GALNTL6: variants seen among roughly 807,000 people sequenced by gnomAD.
GALNTL6 encodes polypeptide N-acetylgalactosaminyltransferase-like 6.
GALNTL6 carries 46 observed loss-of-function variants against 73.7 expected under a neutral mutation model. The ratio of observed to expected loss-of-function variants is 0.62; its 90% CI spans 0.49 to 0.80. GALNTL6 has a LOEUF of 0.80. Ranked by LOEUF, GALNTL6 falls within the 30% of genes least tolerant of loss-of-function variation. The pLI, the probability that GALNTL6 is intolerant of heterozygous loss-of-function variation, is 0.00. For missense variants in GALNTL6, 604 were observed against 755.0 expected (o/e 0.80, Z 2.34); for synonymous variants, 259 against 263.7 (o/e 0.98, Z 0.17).
At chr4:172,851,890 T>C (rs1743839373) in intron 7 of GALNTL6, among the ~76,000 whole-genome samples, 1 of 152,148 alleles carries the variant, frequency 6.6e-6, no homozygotes, top group Admixed American at 6.6e-5. Context: ...AATGACAAGA[T>C]TCTGGATGCT....
At chr4:172,295,618 C>T (rs187040416) in intron 3 of GALNTL6, among the ~76,000 whole-genome samples, 182 of 115,246 alleles carry the variant, frequency 1.6e-3, no homozygotes, top group African/African-American at 5.9e-3. Flanking sequence ...TTTTCTTCAG[C>T]TATGTTCTTA....
chr4:172,363,360 G>A (rs1034147436), intron 5 of GALNTL6, among the ~76,000 whole-genome samples: 1 of 152,046 alleles, frequency 6.6e-6, no homozygotes, highest in Non-Finnish European at 1.5e-5. Flanking sequence ...GTCAGGCTAC[G>A]CCATTTACTG....
chr4:172,201,047 A>T (rs1405972666), intron 2 of GALNTL6, among the ~76,000 whole-genome samples: 1 of 152,196 alleles, frequency 6.6e-6, no homozygotes, highest in Non-Finnish European at 1.5e-5. Context: ...CTTTATCTCA[A>T]TACATTATTT....
At chr4:172,373,724 A>C (rs1283057529) in intron 5 of GALNTL6, among the ~76,000 whole-genome samples, 4 of 152,122 alleles carry the variant, frequency 2.6e-5, no homozygotes, top group African/African-American at 7.2e-5. Flanking sequence ...ATCTCTACCT[A>C]ATAAGGGTGT....
chr4:172,507,063 G>C lies in GALNTL6; in HGVS notation c.553+158374G>C, dbSNP rs796903253. 1.1e-4 allele frequency among the ~76,000 whole-genome samples: 6 copies of C among 55,554 alleles called. 2 individuals carry two copies. The highest frequency in any genetic ancestry group is 2.7e-4 in the African/African-American group (6 of 22,286). 36.4% of individuals were successfully genotyped at this position (55,554 alleles called of 152,430 possible). ...ATGCAGAAATATGATTGAACAAAAAGGGTACGATCTAATGCTAACAAACTA... is the reference window on the plus strand; with the variant it reads ...ATGCAGAAATATGATTGAACAAAAACGGTACGATCTAATGCTAACAAACTA... On this transcript the variant is annotated intron_variant, in intron 5 of 12. Coordinates refer to ENST00000506823, the MANE Select transcript of GALNTL6 (RefSeq NM_001034845.3).
chr4:172,647,568 C>T (rs989058759), intron 5 of GALNTL6, among the ~76,000 whole-genome samples: 4 of 151,978 alleles, frequency 2.6e-5, no homozygotes, highest in African/African-American at 9.7e-5. Flanking sequence ...TTTAGCATTC[C>T]TCATATTTTA....
chr4:171,846,808 C>A (rs1735382571), intron 2 of GALNTL6, among the ~76,000 whole-genome samples: 1 of 145,924 alleles, frequency 6.9e-6, no homozygotes, highest in East Asian at 2.0e-4. Context: ...TGATATATGT[C>A]CCTGTAGATG....
chr4:172,241,043 A>G (rs981178992), intron 3 of GALNTL6, among the ~76,000 whole-genome samples: 3 of 152,162 alleles, frequency 2.0e-5, no homozygotes, highest in Admixed American at 1.3e-4. Context: ...CAGAGGGTCA[A>G]GGTTTTGTTC....
At chr4:173,023,136 A>G (rs6836069) in intron 12 of GALNTL6, among the ~76,000 whole-genome samples, 2,087 of 152,210 alleles carry the variant, frequency 0.014, 57 homozygotes, top group African/African-American at 0.048. Context: ...TGTCCCCCCA[A>G]ATTACAGAAA....
At chr4:172,335,821 T>C (rs558532830) in intron 4 of GALNTL6, among the ~76,000 whole-genome samples, 1 of 152,324 alleles carries the variant, frequency 6.6e-6, no homozygotes, top group East Asian at 1.9e-4. Flanking sequence ...TTGTGCTTAT[T>C]TGAACCTCTG....
chr4:171,987,901 T>A (rs569322474), intron 2 of GALNTL6, among the ~76,000 whole-genome samples: 2 of 152,096 alleles, frequency 1.3e-5, no homozygotes, highest in Admixed American at 6.5e-5. Context: ...TCAGGAATAA[T>A]GTGGAAGTCG....
At chr4:172,843,033 A>C (rs889705810) in intron 7 of GALNTL6, among the ~76,000 whole-genome samples, 8 of 152,128 alleles carry the variant, frequency 5.3e-5, no homozygotes, top group African/African-American at 1.7e-4. Flanking sequence ...TGTTCCCAGC[A>C]GTGAAAGGCA....
At chr4:172,473,842 C>A (rs1733138177) in intron 5 of GALNTL6, among the ~76,000 whole-genome samples, 1 of 152,176 alleles carries the variant, frequency 6.6e-6, no homozygotes, top group South Asian at 2.1e-4. Flanking sequence ...ATTCTCAAAT[C>A]CTCCGCTAGA....
At chr4:171,921,905 A>G (rs1737799272) in intron 2 of GALNTL6, among the ~76,000 whole-genome samples, 1 of 152,084 alleles carries the variant, frequency 6.6e-6, no homozygotes, top group Non-Finnish European at 1.5e-5. Flanking sequence ...CAAAGGGGAA[A>G]TAAAATAAAA....
intron 2 of GALNTL6, among the ~76,000 whole-genome samples, chr4:172,174,743 A>C (rs962651077): frequency 5.3e-5 from 8 of 152,180 alleles, no homozygotes; most frequent in Non-Finnish European, 1.2e-4. Flanking sequence ...AGGAAGGCTT[A>C]AACTAAGGAG....
chr4:172,383,129 G>A (rs2086808), intron 5 of GALNTL6, among the ~76,000 whole-genome samples: 152,025 of 152,166 alleles, frequency 1, 75,942 homozygotes, highest in Middle Eastern at 1. Context: ...ACATTCTCAT[G>A]TATATTTTAG....
intron 5 of GALNTL6, among the ~76,000 whole-genome samples, chr4:172,388,378 A>G (rs1743547669): frequency 6.6e-6 from 1 of 152,178 alleles, no homozygotes. Flanking sequence ...TTGACACTTC[A>G]AAGTTGCTAA....
chr4:172,577,944 T>G (rs1172480488), intron 5 of GALNTL6, among the ~76,000 whole-genome samples: 4 of 152,200 alleles, frequency 2.6e-5, no homozygotes, highest in Non-Finnish European at 5.9e-5. Flanking sequence ...CACTGTTTTC[T>G]TTGAGTCTGG....
At chr4:172,742,450 A>G (rs974140638) in intron 5 of GALNTL6, among the ~76,000 whole-genome samples, 4 of 151,408 alleles carry the variant, frequency 2.6e-5, no homozygotes, top group African/African-American at 9.7e-5. Context: ...AAGAGATACC[A>G]AAGTGGCTAT....
Sources: allele counts gnomAD v4.1 joint callset (sites outside exome capture counted in the v4.1 genomes callset), GRCh38; gene constraint gnomAD v4.1.1; transcripts MANE v1.5; gene names NCBI Gene and HGNC (gene_info 2026-07-23, HGNC 2026-07-21).